Variants in CD8A observed in about 807,000 individuals in gnomAD.
The protein encoded by CD8A is CD8 subunit alpha.
CD8A carries 25 observed loss-of-function variants against 24.2 expected under a neutral mutation model. That is an observed-to-expected ratio of 1.03 (90% CI 0.75 to 1.44). The LOEUF is 1.44. Among genes scored for constraint, CD8A ranks in the 40% most tolerant of loss-of-function variants. The probability of loss-of-function intolerance (pLI) is 0.00; values close to 1 mark genes in which losing one functional copy is unlikely to be tolerated. For missense variants in CD8A, 360 were observed against 319.7 expected, an observed-to-expected ratio of 1.13 and a Z score of -0.96; for synonymous variants, 165 against 149.9, an observed-to-expected ratio of 1.10 and a Z score of -0.74.
rs984557038 is a variant in CD8A, at chr2:86,785,722, G to C, written c.*198C>G. 1 of 730,332 alleles carries C rather than the reference G, an allele frequency of 1.4e-6. No individual in the cohort carries two copies. The highest frequency in any genetic ancestry group is 2.5e-6 in the Non-Finnish European group (1 of 398,826). The allele number at this position is 730,332 out of a possible 1,614,324, so 45.2% of individuals were successfully genotyped here. A position where few individuals can be genotyped will look rare whatever the true frequency, so the allele number is the denominator to read the frequency against. On this transcript the variant is annotated 3_prime_UTR_variant, in exon 6 of 6. Coordinates refer to ENST00000283635, the MANE Select transcript of CD8A (RefSeq NM_001768.7). ...ACAACAGTATTGTGACCCTTGTGGTGTACTGTAGATTTTACCTAGTTTTGT... is the reference window on the plus strand; with the variant it reads ...ACAACAGTATTGTGACCCTTGTGGTCTACTGTAGATTTTACCTAGTTTTGT...
upstream of CD8A, among the ~76,000 whole-genome samples, chr2:86,791,993 C>G (rs1673328267): frequency 6.6e-6 from 1 of 152,114 alleles, no homozygotes; most frequent in Non-Finnish European, 1.5e-5. Flanking sequence ...TTTCTCTTTT[C>G]TGTCCCTAAC....
At chr2:86,791,706 T>C, upstream of CD8A, 1 of 452,222 alleles carries the variant, frequency 2.2e-6, no homozygotes, top group Non-Finnish European at 4.4e-6. Flanking sequence ...TGACCAGCCC[T>C]TGGGTGCTGG....
chr2:86,793,250 T>C (rs1358886871), upstream of CD8A, among the ~76,000 whole-genome samples: 1 of 152,232 alleles, frequency 6.6e-6, no homozygotes. Context: ...AGTGGACATT[T>C]AGGCGATTTC....
chr2:86,788,649 G>A, intron 4 of CD8A, 89 bp from the exon 5 acceptor site: 1 of 1,236,230 alleles, frequency 8.1e-7, no homozygotes, highest in Non-Finnish European at 1.2e-6. Context: ...TGCTGTTGTT[G>A]TTGCTGCTGT....
At chr2:86,800,166 T>C (rs1186776320) in intron 3 of CD8A, among the ~76,000 whole-genome samples, 3 of 151,814 alleles carry the variant, frequency 2.0e-5, no homozygotes, top group African/African-American at 7.3e-5. Context: ...TATGATAAGA[T>C]AAAAGCATTT....
rs1383619498 is a variant in CD8A, at chr2:86,784,843, T to C, written c.*1077A>G. 5 of 454,124 alleles carry C rather than the reference T, an allele frequency of 1.1e-5. No homozygotes were observed. Among genetic ancestry groups the C allele is most frequent in the South Asian group, 1.6e-5 (1 of 64,472 alleles). The allele number at this position is 454,124 out of a possible 1,614,324, so 28.1% of individuals were successfully genotyped here. On this transcript the variant is annotated 3_prime_UTR_variant, in exon 6 of 6. Transcript: ENST00000283635. ...TTTCTCTCCAATGGGCAGGCATTGC[T>C]TGTACCATACCTTAAGCAAGGAAGT...
exon 2 of CD8A, chr2:86,807,553 G>C (rs1673952991): frequency 6.6e-6 from 1 of 152,598 alleles, no homozygotes; most frequent in African/African-American, 2.4e-5. Context: ...CTTCATCGCC[G>C]GCTGCTGACC....
At chr2:86,786,794 G>A (rs1033247685) in intron 5 of CD8A, among the ~76,000 whole-genome samples, 4 of 151,994 alleles carry the variant, frequency 2.6e-5, no homozygotes, top group Non-Finnish European at 5.9e-5. Flanking sequence ...GCCAAGGCGG[G>A]CGGATCACGA....
upstream of CD8A, among the ~76,000 whole-genome samples, chr2:86,793,645 T>C (rs1673387184): frequency 6.6e-6 from 1 of 152,176 alleles, no homozygotes; most frequent in African/African-American, 2.4e-5. Context: ...AACAGGGTGG[T>C]AAGGAAGATG....
At chr2:86,807,200 T>C (rs2104470195) in intron 2 of CD8A, among the ~76,000 whole-genome samples, 1 of 151,980 alleles carries the variant, frequency 6.6e-6, no homozygotes, top group African/African-American at 2.4e-5. Flanking sequence ...CGCGGGTCCA[T>C]GGTCCAAGCT....
intron 5 of CD8A, among the ~76,000 whole-genome samples, chr2:86,786,776 T>G (rs1490090092): frequency 6.6e-6 from 1 of 152,048 alleles, no homozygotes; most frequent in Non-Finnish European, 1.5e-5. Context: ...ATCCCAGCAC[T>G]TTGGGAGGCC....
At chr2:86,796,725 G>A (rs1484454674) in intron 3 of CD8A, among the ~76,000 whole-genome samples, 1 of 152,110 alleles carries the variant, frequency 6.6e-6, no homozygotes, top group Non-Finnish European at 1.5e-5. Context: ...TCTTATCTGA[G>A]TTCCTTTCTA....
intron 3 of CD8A, among the ~76,000 whole-genome samples, chr2:86,797,307 C>G (rs1421308753): frequency 6.6e-6 from 1 of 151,984 alleles, no homozygotes; most frequent in African/African-American, 2.4e-5. Context: ...GTATATGGAA[C>G]CTTCAGGGAA....
chr2:86,789,228 C>T, intron 4 of CD8A, 95 bp downstream of exon 4: 1 of 846,200 alleles, frequency 1.2e-6, no homozygotes, highest in South Asian at 1.3e-5. Flanking sequence ...AAAACTCAAC[C>T]CCAAGCTCCC....
upstream of CD8A, among the ~76,000 whole-genome samples, chr2:86,794,345 A>G (rs1238862651): frequency 6.6e-6 from 1 of 152,192 alleles, no homozygotes; most frequent in African/African-American, 2.4e-5. Flanking sequence ...AGTGGTAGGA[A>G]ATCCATCAGG....
intron 3 of CD8A, among the ~76,000 whole-genome samples, chr2:86,797,448 G>T (rs1166943692): frequency 6.6e-6 from 1 of 152,146 alleles, no homozygotes; most frequent in Non-Finnish European, 1.5e-5. Flanking sequence ...GCACAGAGAG[G>T]ACATCAAAGC....
upstream of CD8A, chr2:86,791,353 G>A (rs1281933629): frequency 5.5e-6 from 2 of 364,744 alleles, no homozygotes; most frequent in African/African-American, 4.3e-5. Context: ...CGCTTCTGAG[G>A]AACTCGCTAG....
At chr2:86,794,954 A>G (rs999338627), upstream of CD8A, among the ~76,000 whole-genome samples, 3 of 151,822 alleles carry the variant, frequency 2.0e-5, no homozygotes, top group Non-Finnish European at 1.5e-5. Context: ...CTGCTTACCA[A>G]ACTCCTCTCC....
In CD8A at chr2:86,787,898, A is replaced by AGTGT. The variant is rs34388912; in HGVS notation, c.656+628_656+631dup. ...TTAACAGAGAGGGAGAGAGAGAGAG[A>AGTGT]GTGTGTGTGTGTGTGTGTGTGTGTG... is the stretch of plus-strand genomic sequence containing the variant. On this transcript the variant is annotated intron_variant, in intron 5 of 5. Transcript: ENST00000283635. Among the ~76,000 whole-genome samples the AGTGT allele has an allele frequency of 9.6e-4, 139 of 144,594 alleles. 1 individual carries two copies. The highest frequency in any genetic ancestry group is 1.3e-3 in the Non-Finnish European group (87 of 65,804). 94.9% of individuals were successfully genotyped at this position (144,594 alleles called of 152,430 possible). A position where few individuals can be genotyped will look rare whatever the true frequency, so the allele number is the denominator to read the frequency against.
Sources: allele counts gnomAD v4.1 joint callset (sites outside exome capture counted in the v4.1 genomes callset), GRCh38; gene constraint gnomAD v4.1.1; transcripts MANE v1.5; gene names NCBI Gene and HGNC (gene_info 2026-07-23, HGNC 2026-07-21).